KRT77: variants seen among roughly 807,000 people sequenced by gnomAD.
KRT77 encodes the protein keratin, type II cytoskeletal 1b.
In KRT77, 44 loss-of-function variants were observed where a neutral mutation model predicts 51.5. The observed-to-expected ratio is 0.85, with a 90% CI of 0.67 to 1.10. KRT77 has a LOEUF of 1.10. Ranked by LOEUF, KRT77 falls within the 50% of genes least tolerant of loss-of-function variation. KRT77 has a pLI of 0.00. For missense variants in KRT77, 763 were observed against 743.9 expected (o/e 1.03, Z -0.30); for synonymous variants, 293 against 302.0 (o/e 0.97, Z 0.31).
intron 5 of KRT77, among the ~76,000 whole-genome samples, chr12:52,693,987 A>G (rs553820884): frequency 5.3e-5 from 8 of 151,870 alleles, no homozygotes; most frequent in African/African-American, 1.9e-4. Context: ...TAGTGAACTG[A>G]TATCAGGCCA....
At chr12:52,691,897 G>A (rs1310588210) in intron 8 of KRT77, 41 bp downstream of exon 8, 1 of 1,612,590 alleles carries the variant, frequency 6.2e-7, no homozygotes, top group South Asian at 1.1e-5. Context: ...CCTCCACCCA[G>A]CACCACCAGC....
rs774353164 is a variant in KRT77, at chr12:52,697,893, G to A, written c.547C>T (p.Arg183Ter). The A allele has an allele frequency of 3.2e-5, 52 of 1,613,190 alleles. No individual in the cohort carries two copies. The highest frequency in any genetic ancestry group is 2.5e-4 in the South Asian group (23 of 91,054). Residue 183 changes from arginine (R) to a stop codon, truncating the protein, a stop_gained, in exon 2 of 9, where the codon CGA (arginine) becomes TGA (stop). Coordinates refer to ENST00000341809, the MANE Select transcript of KRT77 (RefSeq NM_175078.3). LOFTEE classifies it high-confidence loss of function. ...NKFASFIDKV[R>*]FLEQQNQVLQ... ...ACCTGGTTCTGCTGCTCCAGGAATC[G>A]CACCTAAGAGCAAGAGACCCCAGTC...
chr12:52,696,623 G>T, intron 2 of KRT77, 193 bp from the exon 3 acceptor site: 4 of 566,202 alleles, frequency 7.1e-6, no homozygotes, highest in Non-Finnish European at 9.5e-6. Context: ...CAACTCCTAG[G>T]TCTGTGGGCC....
At chr12:52,697,641 G>T in intron 2 of KRT77, 41 bp downstream of exon 2, 1 of 1,541,000 alleles carries the variant, frequency 6.5e-7, no homozygotes, top group Non-Finnish European at 8.9e-7. Context: ...ACCAGTTTCC[G>T]GCCATGCTTC....
rs2684339 is a variant in KRT77 at position 52,691,478 on chromosome 12, C to G, written c.1463-39G>C. On this transcript the variant is annotated intron_variant, in intron 8 of 8. Coordinates refer to ENST00000341809, the MANE Select transcript of KRT77 (RefSeq NM_175078.3). Reference sequence around the variant, plus strand: ...ACAGTGCACACGGGGTCAGAGGGACCGGGCAAGGCCCCCACCTGCACCCGC... The same window carrying G: ...ACAGTGCACACGGGGTCAGAGGGACGGGGCAAGGCCCCCACCTGCACCCGC... 44 of 1,514,674 alleles carry G rather than the reference C, an allele frequency of 2.9e-5. No homozygotes were observed. In the Admixed American group the frequency reaches 5.2e-4, roughly 18 times the overall value. 93.8% of individuals were successfully genotyped at this position (1,514,674 alleles called of 1,614,324 possible).
chr12:52,697,039 C>T (rs931828049), intron 2 of KRT77, among the ~76,000 whole-genome samples: 2 of 152,226 alleles, frequency 1.3e-5, no homozygotes, highest in African/African-American at 2.4e-5. Context: ...CTCCCGTCAC[C>T]CCTACTGTTT....
chr12:52,692,722 G>C, intron 6 of KRT77, 33 bp downstream of exon 6: 1 of 1,602,044 alleles, frequency 6.2e-7, no homozygotes, highest in African/African-American at 1.3e-5. Context: ...GAGGTGCAGG[G>C]CTTGGTCAGC....
At chr12:52,694,493 T>C in intron 5 of KRT77, 133 bp downstream of exon 5, 2 of 810,236 alleles carry the variant, frequency 2.5e-6, no homozygotes, top group Admixed American at 6.4e-5. Context: ...GGGTAATCTT[T>C]ACATGTAATT....
rs1320852577 is a variant in KRT77 at position 52,691,233 on chromosome 12, G to C, written c.1669C>G (p.Arg557Gly). The C allele has an allele frequency of 6.2e-7, 1 of 1,613,544 alleles. No individual in the cohort carries two copies. Among genetic ancestry groups the C allele is most frequent in the African/African-American group, 1.3e-5 (1 of 74,900 alleles). The change falls in exon 9 of 9, where the codon CGC becomes GGC. Residue 557 changes from arginine (R) to glycine (G), a missense_variant. Transcript: ENST00000341809. Reference protein sequence around the residue: ...GSYGGSGRSGRGSSRVQIIQT... With the variant: ...GSYGGSGRSGGGSSRVQIIQT... ...ATGATCTGCACGCGCGAGGATCCGC[G>C]GCCGCTTCTGCCGCTCCCTCCGTAG...
At position 52,703,073 on chromosome 12, in the gene KRT77, T is replaced by G; in HGVS notation, c.362A>C (p.Asn121Thr). 1.9e-6 allele frequency: 3 copies of G among 1,613,268 alleles called. No individual in the cohort carries two copies. The highest frequency in any genetic ancestry group is 2.5e-6 in the Non-Finnish European group (3 of 1,179,860). The change falls in exon 1 of 9, where the codon AAT becomes ACT. Residue 121 changes from asparagine to threonine, a missense_variant. By Grantham distance (65) the Asn-to-Thr change is moderately conservative (BLOSUM62 0). Transcript: ENST00000341809. ...AGGACCAAAGCCCCCAAGCCCAAAATTGCTAGTCCCAAATCCAGCACCCCC... is the reference window on the plus strand; with the variant it reads ...AGGACCAAAGCCCCCAAGCCCAAAAGTGCTAGTCCCAAATCCAGCACCCCC... The part of the protein sequence containing the change: ...GFGGAGFGTS[N>T]FGLGGFGPYC...
chr12:52,690,475 G>A lies in KRT77; in HGVS notation c.*690C>T. 1 of 155,460 alleles carries A rather than the reference G, an allele frequency of 6.4e-6. No homozygotes were observed. The highest frequency in any genetic ancestry group is 1.4e-5 in the Non-Finnish European group (1 of 70,032). 9.6% of individuals were successfully genotyped at this position (155,460 alleles called of 1,614,324 possible). On this transcript the variant is annotated 3_prime_UTR_variant, in exon 9 of 9. Transcript: ENST00000341809. ...GGCTATGGACCAAGAGGCAGGAATA[G>A]GCCGCTGGTGCAGAGGTTTTCCTTA...
chr12:52,692,641 T>C lies in KRT77; in HGVS notation c.1207A>G (p.Ile403Val). Residue 403 changes from isoleucine to valine, a missense_variant and splice_region_variant, in exon 7 of 9, where the codon ATT (isoleucine) becomes GTT (valine). Coordinates refer to ENST00000341809, the MANE Select transcript of KRT77 (RefSeq NM_175078.3). ...QAEISNVKKQ[I>V]EQMQSLISDA... ...GAAATGAGTGACTGCATCTGTTCAATCTGCTCCAGAGACAGTTGGAGACCA... is the reference window on the plus strand; with the variant it reads ...GAAATGAGTGACTGCATCTGTTCAACCTGCTCCAGAGACAGTTGGAGACCA... 1.3e-6 allele frequency: 2 copies of C among 1,563,830 alleles called. No homozygotes were observed. The highest frequency in any genetic ancestry group is 2.2e-5 in the East Asian group (1 of 44,782).
At position 52,697,547 on chromosome 12, in the gene KRT77, C is replaced by T; in HGVS notation, c.758+135G>A. On this transcript the variant is annotated intron_variant, in intron 2 of 8. Transcript: ENST00000341809. ...GGTTGCCACATACAAAACAGTGCCTCCTGCAGTTGTGCAGTGCAGAGCCTG... is the reference window on the plus strand; with the variant it reads ...GGTTGCCACATACAAAACAGTGCCTTCTGCAGTTGTGCAGTGCAGAGCCTG... The T allele has an allele frequency of 5.4e-6, 3 of 555,034 alleles. No homozygotes were observed. In the Admixed American group the frequency reaches 6.6e-5, roughly 12 times the overall value. 34.4% of individuals were successfully genotyped at this position (555,034 alleles called of 1,614,324 possible). A position where few individuals can be genotyped will look rare whatever the true frequency, so the allele number is the denominator to read the frequency against.
chr12:52,689,716 GA>G lies in KRT77; in HGVS notation c.*1448del, dbSNP rs1197883225. The G allele has an allele frequency of 6.6e-6, 1 of 152,192 alleles. No homozygotes were observed. The highest frequency in any genetic ancestry group is 1.5e-5 in the Non-Finnish European group (1 of 68,070). 9.4% of individuals were successfully genotyped at this position (152,192 alleles called of 1,614,324 possible). On this transcript the variant is annotated 3_prime_UTR_variant, in exon 9 of 9. Transcript: ENST00000341809. The stretch of plus-strand genomic sequence containing the variant: ...GAACCAGGAAATGATGAAGTCACAA[GA>G]ACAGCCTAAGAGACCCACACTGAGC...
chr12:52,692,460 A>T lies in KRT77; in HGVS notation c.1388T>A (p.Ile463Asn). The change falls in exon 7 of 9, where the codon ATC becomes AAC. Residue 463 changes from isoleucine to asparagine, a missense_variant. Transcript: ENST00000341809. The part of the protein sequence containing the change: ...LGVKLSLDVE[I>N]ATYRQLLEGE... ...CTCCAGCAGCTGGCGGTAGGTGGCG[A>T]TCTCCACATCCAGGGACAGCTTGAC... The T allele has an allele frequency of 6.2e-7, 1 of 1,613,902 alleles. No homozygotes were observed. The highest frequency in any genetic ancestry group is 8.5e-7 in the Non-Finnish European group (1 of 1,179,966).
chr12:52,696,553 T>A, intron 2 of KRT77, 123 bp from the exon 3 acceptor site: 1 of 765,118 alleles, frequency 1.3e-6, no homozygotes, highest in Non-Finnish European at 2.2e-6. Context: ...CAGAGAACCC[T>A]GCTCAAGGTG....
chr12:52,698,016 A>C, intron 1 of KRT77, 120 bp from the exon 2 acceptor site: 1 of 1,403,226 alleles, frequency 7.1e-7, no homozygotes, highest in Non-Finnish European at 9.8e-7. Context: ...GGCTCCTCCA[A>C]GGGTCAGAGA....
At chr12:52,691,554 C>G in intron 8 of KRT77, 115 bp from the exon 9 acceptor site, 1 of 1,196,228 alleles carries the variant, frequency 8.4e-7, no homozygotes, top group Non-Finnish European at 1.2e-6. Context: ...CATCGACTTG[C>G]AAACCCCATA....
Position 52,692,948 on chromosome 12 carries a change from G to A in KRT77, c.1081-68C>T, listed in dbSNP as rs1326566171. The stretch of plus-strand genomic sequence containing the variant: ...CACAAGCCCCTCCAGGAGGGAGTAG[G>A]TCTGGGCTGCTCTCCCCTGGGAGAT... On this transcript the variant is annotated intron_variant, in intron 5 of 8. Transcript: ENST00000341809. The A allele has an allele frequency of 9.7e-6, 15 of 1,549,594 alleles. No homozygotes were observed. In the Admixed American group the frequency reaches 2.4e-4, roughly 25 times the overall value.
Sources: gnomAD v4.1 joint callset for allele counts (sites outside exome capture counted in the v4.1 genomes callset) on GRCh38, gnomAD v4.1.1 for gene constraint, MANE v1.5 for transcripts, NCBI Gene and HGNC (gene_info 2026-07-23, HGNC 2026-07-21) for gene names.